Variants in KPNA5 observed in about 807,000 individuals in gnomAD.
KPNA5 encodes the protein karyopherin subunit alpha 5.
KPNA5 carries 46 observed loss-of-function variants against 71.3 expected under a neutral mutation model. That is an observed-to-expected ratio of 0.65 (90% CI 0.51 to 0.83). KPNA5 has a LOEUF of 0.83. Among genes scored for constraint, KPNA5 ranks in the 40% least tolerant of loss-of-function variants. The pLI is 0.00. For missense variants in KPNA5, 547 were observed against 628.3 expected (o/e 0.87, Z 1.38); for synonymous variants, 207 against 201.4 (o/e 1.03, Z -0.24).
intron 7 of KPNA5, among the ~76,000 whole-genome samples, chr6:116,714,710 C>A (rs765013097): frequency 6.6e-6 from 1 of 152,130 alleles, no homozygotes; most frequent in Non-Finnish European, 1.5e-5. Context: ...ACATCTCATT[C>A]ATTTGCCTTT....
In KPNA5 at chr6:116,702,102, G is replaced by T; in HGVS notation, c.519G>T (p.Pro173=). The change falls in exon 6 of 14, where the codon CCG becomes CCT. Residue 173 remains proline (P), a synonymous_variant. Coordinates refer to ENST00000368564, the MANE Select transcript of KPNA5 (RefSeq NM_001366306.2). The stretch of plus-strand genomic sequence containing the variant: ...TAGTGATTGAAACTGGGGCTGTTCC[G>T]ATTTTTATCAAACTTCTTAATTCTG... The part of the protein sequence containing the change: ...TKVVIETGAV[P]IFIKLLNSEH... 6.2e-7 allele frequency: 1 copy of T among 1,613,752 alleles called. No individual in the cohort carries two copies. Among genetic ancestry groups the T allele is most frequent in the Non-Finnish European group, 8.5e-7 (1 of 1,179,872 alleles).
chr6:116,681,281 A>G lies in KPNA5; in HGVS notation c.-54A>G. On this transcript the variant is annotated 5_prime_UTR_variant, in exon 1 of 14. Transcript: ENST00000368564. ...AGTGGCGGCCCTTCTGTTACCCGCC[A>G]CACACGTCGCCGCTGGGGACTGGGA... 6.2e-7 allele frequency: 1 copy of G among 1,608,798 alleles called. No homozygotes were observed. The highest frequency in any genetic ancestry group is 1.1e-5 in the South Asian group (1 of 90,842).
Position 116,735,775 on chromosome 6 carries a change from A to G in KPNA5, c.*3452A>G, listed in dbSNP as rs1166590053. ...AGGAGAAAAAATAGAATTATAAAAA[A>G]TAGCTAATCCAAAACTAGACAGAAA... On this transcript the variant is annotated 3_prime_UTR_variant, in exon 14 of 14. Coordinates refer to ENST00000368564, the MANE Select transcript of KPNA5 (RefSeq NM_001366306.2). The G allele has an allele frequency of 6.6e-6, 1 of 151,848 alleles. No individual in the cohort carries two copies. Among genetic ancestry groups the G allele is most frequent in the Admixed American group, 6.6e-5 (1 of 15,176 alleles). The allele number at this position is 151,848 out of a possible 1,614,324, so 9.4% of individuals were successfully genotyped here.
intron 7 of KPNA5, among the ~76,000 whole-genome samples, chr6:116,707,057 G>A (rs1319139621): frequency 6.6e-6 from 1 of 151,088 alleles, no homozygotes. Context: ...CCAGCTACTC[G>A]GGAGGCTGAG....
chr6:116,700,668 G>T (rs1415224156), intron 5 of KPNA5, among the ~76,000 whole-genome samples: 1 of 152,162 alleles, frequency 6.6e-6, no homozygotes, highest in Non-Finnish European at 1.5e-5. Context: ...AACAAGTTTT[G>T]TTGGCCTGAA....
At chr6:116,716,489 C>T (rs1172137228) in intron 8 of KPNA5, among the ~76,000 whole-genome samples, 171 bp downstream of exon 8, 1 of 152,150 alleles carries the variant, frequency 6.6e-6, no homozygotes, top group Non-Finnish European at 1.5e-5. Flanking sequence ...AAGGAAGTGT[C>T]CCTTGTACTT....
In KPNA5 at chr6:116,705,121, A is replaced by G; in HGVS notation, c.617A>G (p.Asp206Gly). The G allele has an allele frequency of 6.2e-7, 1 of 1,612,636 alleles. No individual in the cohort carries two copies. Among genetic ancestry groups the G allele is most frequent in the Non-Finnish European group, 8.5e-7 (1 of 1,179,646 alleles). The change falls in exon 7 of 14, where the codon GAT becomes GGT. Residue 206 changes from aspartate to glycine, a missense_variant. Physicochemically the swap from Asp to Gly is moderately conservative, Grantham distance 94. Coordinates refer to ENST00000368564, the MANE Select transcript of KPNA5 (RefSeq NM_001366306.2). ...GCTGGTGACAATGCAGAATGCAGAG[A>G]TTTTGTTTTGAATTGTGAAATACTT... ...NIAGDNAECR[D>G]FVLNCEILPP...
rs200869148 is a variant in KPNA5, at chr6:116,716,228, A to G, written c.666A>G (p.Thr222=). ...EILPPLLELL[T]NSNRLTTTRN... is the part of the protein sequence containing the mutation. Reference sequence around the variant, plus strand: ...TTCTTTTTCTTGGCAGGTTATTAACAAATTCAAACAGACTCACAACAACAA... The same window carrying G: ...TTCTTTTTCTTGGCAGGTTATTAACGAATTCAAACAGACTCACAACAACAA... Residue 222 remains threonine (T), a synonymous_variant, in exon 8 of 14, where the codon ACA becomes ACG. Transcript: ENST00000368564. 1.2e-6 allele frequency: 2 copies of G among 1,610,588 alleles called. No individual in the cohort carries two copies. The highest frequency in any genetic ancestry group is 1.7e-6 in the Non-Finnish European group (2 of 1,179,042).
Position 116,717,028 on chromosome 6 carries a change from AT to A in KPNA5, c.756+713del, listed in dbSNP as rs35018553. ...AAAAGACACAAACTCAAGAGTTGAG[AT>A]TTAATAAAAGTAGTAATTTTTACTG... On this transcript the variant is annotated intron_variant, in intron 8 of 13. Transcript: ENST00000368564. 4.3e-4 allele frequency among the ~76,000 whole-genome samples: 66 copies of A among 152,204 alleles called. 1 individual carries two copies. In the East Asian group the frequency reaches 4.8e-3, roughly 11 times the overall value.
intron 7 of KPNA5, among the ~76,000 whole-genome samples, chr6:116,711,690 T>C (rs1411151413): frequency 6.6e-6 from 1 of 152,194 alleles, no homozygotes; most frequent in African/African-American, 2.4e-5. Flanking sequence ...GATTTCACTT[T>C]TCAAAAATTT....
intron 4 of KPNA5, among the ~76,000 whole-genome samples, chr6:116,695,631 A>G (rs780996729): frequency 8.5e-5 from 13 of 152,184 alleles, no homozygotes; most frequent in Non-Finnish European, 1.6e-4. Context: ...TTCTTACTGT[A>G]ATTTATATTC....
intron 6 of KPNA5, 71 bp downstream of exon 6, chr6:116,702,221 C>G (rs1268305144): frequency 6.8e-7 from 1 of 1,472,148 alleles, no homozygotes; most frequent in African/African-American, 1.4e-5. Context: ...TTTGTAATTA[C>G]GATGTGTAAT....
rs67301038 is a variant in KPNA5, at chr6:116,710,893, A to AT, written c.657-5307dup. Among the ~76,000 whole-genome samples, 270 of 86,722 alleles carry AT rather than the reference A, an allele frequency of 3.1e-3. 11 individuals are homozygous for AT. Among genetic ancestry groups the AT allele is most frequent in the East Asian group, 0.024 (65 of 2,734 alleles). The allele number at this position is 86,722 out of a possible 152,430, so 56.9% of individuals were successfully genotyped here. A position where few individuals can be genotyped will look rare whatever the true frequency, so the allele number is the denominator to read the frequency against. ...TTATTTTATATATATATATATATAT[A>AT]TTTTTTTTTTTTTTTTTTTGAGTTG... On this transcript the variant is annotated intron_variant, in intron 7 of 13. Transcript: ENST00000368564.
Position 116,689,402 on chromosome 6 carries a change from A to G in KPNA5, c.87A>G (p.Arg29=), listed in dbSNP as rs1404980470. Reference sequence around the variant, plus strand: ...CCCTAAATCCTCAAGAGATGCGTAGACGAAGAGAAGAAGAAGGAATACAGC... The same window carrying G: ...CCCTAAATCCTCAAGAGATGCGTAGGCGAAGAGAAGAAGAAGGAATACAGC... ...NKALNPQEMR[R]RREEEGIQLR... The change falls in exon 2 of 14, where the codon AGA becomes AGG. Residue 29 remains arginine, a synonymous_variant. Coordinates refer to ENST00000368564, the MANE Select transcript of KPNA5 (RefSeq NM_001366306.2). The G allele has an allele frequency of 6.2e-7, 1 of 1,609,388 alleles. No homozygotes were observed. The highest frequency in any genetic ancestry group is 8.5e-7 in the Non-Finnish European group (1 of 1,178,242).
intron 7 of KPNA5, among the ~76,000 whole-genome samples, chr6:116,710,873 T>A (rs4946189): frequency 0.15 from 12,207 of 83,894 alleles, 1,433 homozygotes; most frequent in South Asian, 0.23. Context: ...TAATATTATT[T>A]TATATATATA....
chr6:116,712,373 G>T (rs1181551936), intron 7 of KPNA5, among the ~76,000 whole-genome samples: 1 of 152,106 alleles, frequency 6.6e-6, no homozygotes, highest in Non-Finnish European at 1.5e-5. Context: ...GTTATTATTT[G>T]CATGGAAAAT....
Position 116,722,169 on chromosome 6 carries a change from G to A in KPNA5, c.800G>A (p.Ser267Asn), listed in dbSNP as rs1168236240. Residue 267 changes from serine (S) to asparagine (N), a missense_variant, in exon 9 of 14, where the codon AGT becomes AAT. Transcript: ENST00000368564. ...GTCCTGTCACGACTGTTGTTTAGCA[G>A]TGACCCAGATGTGTTAGCAGACGTG... is the stretch of plus-strand genomic sequence containing the variant. ...LNVLSRLLFS[S>N]DPDVLADVCW... The A allele has an allele frequency of 6.2e-7, 1 of 1,610,462 alleles. No individual in the cohort carries two copies. The highest frequency in any genetic ancestry group is 1.7e-5 in the Admixed American group (1 of 59,888).
chr6:116,683,650 G>A (rs1777448798), intron 1 of KPNA5, among the ~76,000 whole-genome samples: 2 of 151,780 alleles, frequency 1.3e-5, no homozygotes. Flanking sequence ...CATGATCTTG[G>A]CTCACTGCAA....
chr6:116,701,738 C>G (rs1169158799), intron 5 of KPNA5, among the ~76,000 whole-genome samples: 1 of 152,056 alleles, frequency 6.6e-6, no homozygotes, highest in Admixed American at 6.6e-5. Flanking sequence ...ATTATAAATT[C>G]AAAGGTGTTT....
Sources: gnomAD v4.1 joint callset for allele counts (sites outside exome capture counted in the v4.1 genomes callset) on GRCh38, gnomAD v4.1.1 for gene constraint, MANE v1.5 for transcripts, NCBI Gene and HGNC (gene_info 2026-07-23, HGNC 2026-07-21) for gene names.